The following PRDM11 variants were observed in gnomAD, a reference collection of about 807,000 sequenced individuals.
PRDM11 encodes the protein PR domain-containing protein 11.
In PRDM11, 20 loss-of-function variants were observed where a neutral mutation model predicts 97.8. The observed-to-expected ratio is 0.20, with a 90% CI of 0.14 to 0.30. PRDM11 has a LOEUF of 0.30. PRDM11 is among the 10% of genes least tolerant of loss of function. The pLI, the probability that PRDM11 is intolerant of heterozygous loss-of-function variation, is 1.00. For missense variants in PRDM11, 1,139 were observed against 1,555.2 expected (o/e 0.73, Z 4.50); for synonymous variants, 599 against 637.7 (o/e 0.94, Z 0.91).
chr11:45,143,138 G>GT (rs1253902754), upstream of PRDM11, among the ~76,000 whole-genome samples: 6 of 152,338 alleles, frequency 3.9e-5, no homozygotes, highest in East Asian at 3.9e-4. Context: ...TTCAGTCTTA[G>GT]TTTTTTCCAG....
rs1271104174 is a variant in PRDM11, at chr11:45,224,606, T to C, written c.1132T>C (p.Leu378=). The C allele has an allele frequency of 6.2e-7, 1 of 1,613,904 alleles. No homozygotes were observed. The highest frequency in any genetic ancestry group is 1.3e-5 in the African/African-American group (1 of 74,864). ...GGGGGTCTCCAAGGAGCCAGGCCAA[T>C]TGGAGGATGAAGAAGAGGAGCCTTC... ...PQGVSKEPGQ[L]EDEEEEPSSF... is the part of the protein sequence containing the mutation. The change falls in exon 7 of 8, where the codon TTG becomes CTG. Residue 378 remains leucine (L), a synonymous_variant. Transcript: ENST00000683152.
chr11:45,191,454 C>A (rs11038343), intron 4 of PRDM11, among the ~76,000 whole-genome samples: 41 of 152,148 alleles, frequency 2.7e-4, no homozygotes, highest in Non-Finnish European at 4.0e-4. Context: ...AGTGCTCAAC[C>A]TTCACCCCCA....
Position 45,219,654 on chromosome 11 carries a change from G to C in PRDM11, c.639G>C (p.Arg213Ser), listed in dbSNP as rs372437355. ...HSERIYFRAC[R>S]DIRPGEWLRV... is the part of the protein sequence containing the mutation. The stretch of plus-strand genomic sequence containing the variant: ...AGCGCATCTACTTCCGGGCGTGCAG[G>C]GACATCCGGCCTGGGGAGTGGCTGC... Residue 213 changes from arginine (R) to serine (S), a missense_variant, in exon 6 of 8, where the codon AGG (arginine) becomes AGC (serine). Coordinates refer to ENST00000683152, the MANE Select transcript of PRDM11 (RefSeq NM_001384648.1). This position sits in a 1 kb window ranked among gnomAD's most constrained non-coding sequence, Gnocchi z 4.2. The C allele has an allele frequency of 6.2e-7, 1 of 1,614,110 alleles. No individual in the cohort carries two copies. Among genetic ancestry groups the C allele is most frequent in the Admixed American group, 1.7e-5 (1 of 60,032 alleles).
intron 4 of PRDM11, among the ~76,000 whole-genome samples, chr11:45,192,535 A>T (rs994986757): frequency 6.6e-6 from 1 of 152,190 alleles, no homozygotes; most frequent in East Asian, 1.9e-4. Context: ...CTGTACATCT[A>T]TTGTATCAGA....
chr11:45,100,907 G>T (rs998163339), intron 1 of PRDM11, among the ~76,000 whole-genome samples: 3 of 152,204 alleles, frequency 2.0e-5, no homozygotes, highest in African/African-American at 7.2e-5. Context: ...TTAAGTATTT[G>T]CCCAGGGTCA....
chr11:45,151,083 G>C (rs1238150317), intron 1 of PRDM11, among the ~76,000 whole-genome samples: 1 of 152,192 alleles, frequency 6.6e-6, no homozygotes, highest in African/African-American at 2.4e-5. Flanking sequence ...TTATAAAGCT[G>C]TCATGGGAGA....
At chr11:45,217,832 T>C (rs1032546342) in intron 5 of PRDM11, among the ~76,000 whole-genome samples, 2 of 152,246 alleles carry the variant, frequency 1.3e-5, no homozygotes, top group Non-Finnish European at 2.9e-5. Context: ...TTTCTTTATA[T>C]GTGTGTCAGG....
intron 1 of PRDM11, among the ~76,000 whole-genome samples, chr11:45,151,338 A>G (rs907510411): frequency 1.3e-5 from 2 of 152,252 alleles, no homozygotes. Context: ...GTGCAGAAAG[A>G]AAAAAGAAAA....
chr11:45,131,637 G>A (rs1852721842), intron 1 of PRDM11, among the ~76,000 whole-genome samples: 1 of 152,156 alleles, frequency 6.6e-6, no homozygotes, highest in South Asian at 2.1e-4. Flanking sequence ...GTTGAATACA[G>A]TGCAGCCATT....
chr11:45,128,784 A>G (rs548800174), intron 1 of PRDM11, among the ~76,000 whole-genome samples: 1 of 152,296 alleles, frequency 6.6e-6, no homozygotes, highest in African/African-American at 2.4e-5. Context: ...GAGAAATAAA[A>G]AACACCTCCA....
intron 1 of PRDM11, among the ~76,000 whole-genome samples, chr11:45,175,129 A>G (rs755636030): frequency 1.3e-5 from 2 of 152,214 alleles, no homozygotes; most frequent in Non-Finnish European, 2.9e-5. Flanking sequence ...ATCAACCTCC[A>G]TTGAAACATC....
chr11:45,179,203 G>A (rs558179114), intron 1 of PRDM11, among the ~76,000 whole-genome samples: 6 of 152,216 alleles, frequency 3.9e-5, no homozygotes, highest in Non-Finnish European at 5.9e-5. Context: ...CCAATAAAGC[G>A]TCAGAGTTTC....
chr11:45,189,592 C>T (rs1365988993), intron 4 of PRDM11, among the ~76,000 whole-genome samples: 1 of 152,174 alleles, frequency 6.6e-6, no homozygotes, highest in South Asian at 2.1e-4. Flanking sequence ...CCACTCCATG[C>T]GAGGCAGCCT....
At chr11:45,169,879 G>A (rs540910848) in intron 1 of PRDM11, among the ~76,000 whole-genome samples, 3 of 152,280 alleles carry the variant, frequency 2.0e-5, no homozygotes, top group Non-Finnish European at 2.9e-5. Context: ...TAATCCATTC[G>A]ATAAATGTTT....
At chr11:45,198,825 C>CA (rs1853223504) in intron 4 of PRDM11, among the ~76,000 whole-genome samples, 1 of 152,168 alleles carries the variant, frequency 6.6e-6, no homozygotes, top group Non-Finnish European at 1.5e-5. Context: ...GGCTAACATC[C>CA]ATTGCTCTAC....
chr11:45,119,904 C>G (rs527544418), intron 1 of PRDM11, among the ~76,000 whole-genome samples: 24 of 152,202 alleles, frequency 1.6e-4, no homozygotes, highest in Admixed American at 1.4e-3. Context: ...CAAAAAATAG[C>G]AGAGCCACTG....
At chr11:45,224,082 T>C in intron 6 of PRDM11, 135 bp from the exon 7 acceptor site, 1 of 1,044,416 alleles carries the variant, frequency 9.6e-7, no homozygotes. Context: ...ATCTCCCCTT[T>C]GCAACACTTG....
chr11:45,113,952 C>T (rs997545324), intron 1 of PRDM11, among the ~76,000 whole-genome samples: 1 of 151,494 alleles, frequency 6.6e-6, no homozygotes, highest in African/African-American at 2.4e-5. Context: ...ACAGTCATAT[C>T]ATCAGTGAAT....
chr11:45,190,653 C>G (rs1173083624), intron 4 of PRDM11, among the ~76,000 whole-genome samples: 1 of 152,012 alleles, frequency 6.6e-6, no homozygotes, highest in Non-Finnish European at 1.5e-5. Context: ...AACTACTCCA[C>G]TCTGCCTTTG....
Sources: gnomAD v4.1 joint callset for allele counts (sites outside exome capture counted in the v4.1 genomes callset) on GRCh38, gnomAD v4.1.1 for gene constraint, Gnocchi (gnomAD v3.1) non-coding constraint, MANE v1.5 for transcripts, NCBI Gene and HGNC (gene_info 2026-07-23, HGNC 2026-07-21) for gene names.